TMEM51: variants seen among roughly 807,000 people sequenced by gnomAD.
The protein encoded by TMEM51 is transmembrane protein 51.
TMEM51 carries 8 observed loss-of-function variants against 13.6 expected under a neutral mutation model. The ratio of observed to expected loss-of-function variants is 0.59; its 90% CI spans 0.35 to 1.07. The LOEUF (loss-of-function observed/expected upper bound fraction) is 1.07. Among genes scored for constraint, TMEM51 ranks in the 50% least tolerant of loss-of-function variants. TMEM51 has a pLI of 0.02. For missense variants in TMEM51, 279 were observed against 330.7 expected (o/e 0.84, Z 1.21); for synonymous variants, 147 against 144.4 (o/e 1.02, Z -0.13).
chr1:15,165,193 G>A (rs574802828), intron 1 of TMEM51, among the ~76,000 whole-genome samples: 1 of 152,282 alleles, frequency 6.6e-6, no homozygotes, highest in South Asian at 2.1e-4. Flanking sequence ...GCTGACACCT[G>A]CAATCCCAAC....
At chr1:15,218,914 G>A (rs1184892680) in intron 3 of TMEM51, among the ~76,000 whole-genome samples, 1 of 152,142 alleles carries the variant, frequency 6.6e-6, no homozygotes, top group African/African-American at 2.4e-5. Context: ...GCCCCTATGT[G>A]GCCAACTCAG....
At chr1:15,190,599 T>C (rs2100269750) in intron 1 of TMEM51, among the ~76,000 whole-genome samples, 1 of 151,718 alleles carries the variant, frequency 6.6e-6, no homozygotes, top group East Asian at 1.9e-4. Flanking sequence ...TCCCCTACCC[T>C]ACCCCCAAAA....
intron 2 of TMEM51, among the ~76,000 whole-genome samples, chr1:15,211,770 T>C (rs545296836): frequency 1.3e-4 from 20 of 150,726 alleles, no homozygotes; most frequent in Middle Eastern, 7.0e-3. Context: ...GGGTACACTT[T>C]CCGAGTTTCC....
chr1:15,188,598 A>G (rs1035849941), intron 1 of TMEM51, among the ~76,000 whole-genome samples: 4 of 152,252 alleles, frequency 2.6e-5, no homozygotes, highest in African/African-American at 4.8e-5. Context: ...CCAGAAAGAC[A>G]GTAGCATTCT....
chr1:15,177,975 A>G (rs998385390), intron 1 of TMEM51, among the ~76,000 whole-genome samples: 10 of 152,202 alleles, frequency 6.6e-5, no homozygotes, highest in Admixed American at 1.3e-4. Flanking sequence ...AACCCTTTTC[A>G]TGGCCCAGCT....
At position 15,207,946 on chromosome 1, in the gene TMEM51, T is replaced by C. The variant is rs1054300016; in HGVS notation, c.-266-2544T>C. 1.3e-5 allele frequency among the ~76,000 whole-genome samples: 2 copies of C among 152,244 alleles called. No individual in the cohort carries two copies. The highest frequency in any genetic ancestry group is 6.5e-5 in the Admixed American group (1 of 15,286). ...TCCCCTTCAGGCTTGGACTGGGAAT[T>C]TCCCCTCATTGATATGAGACATTGG... On this transcript the variant is annotated intron_variant, in intron 1 of 3. Transcript: ENST00000376008. The surrounding 1 kb of genome is among the most constrained non-coding windows in gnomAD (Gnocchi z 4.6).
chr1:15,165,176 C>A (rs984534341), intron 1 of TMEM51, among the ~76,000 whole-genome samples: 2 of 152,250 alleles, frequency 1.3e-5, no homozygotes, highest in Admixed American at 1.3e-4. Flanking sequence ...TGAGGCCAGG[C>A]ACAGTGGCTG....
In TMEM51 at chr1:15,189,510, A is replaced by T. The variant is rs542428035; in HGVS notation, c.-266-20980A>T. ...TACAATTCCTTAGCTCATCTTTTGG[A>T]TCTAAACACCCCAGAGGGTAGAGAT... On this transcript the variant is annotated intron_variant, in intron 1 of 3. Transcript: ENST00000376008. 4.9e-4 allele frequency among the ~76,000 whole-genome samples: 75 copies of T among 152,120 alleles called. 1 individual carries two copies. The South Asian group carries it at 0.015, about 29-fold the overall frequency.
chr1:15,203,983 C>A (rs1644205131), intron 1 of TMEM51, among the ~76,000 whole-genome samples: 1 of 152,218 alleles, frequency 6.6e-6, no homozygotes, highest in Admixed American at 6.5e-5. Context: ...TCACCAGCAC[C>A]CTCTGCAGTC....
At chr1:15,218,276 T>C (rs1644459537) in intron 3 of TMEM51, among the ~76,000 whole-genome samples, 1 of 152,248 alleles carries the variant, frequency 6.6e-6, no homozygotes, top group African/African-American at 2.4e-5. Context: ...ATAAATGTTA[T>C]ATTTCAGATA....
chr1:15,160,048 A>G (rs1177119120), intron 1 of TMEM51, among the ~76,000 whole-genome samples: 2 of 152,134 alleles, frequency 1.3e-5, no homozygotes, highest in Non-Finnish European at 2.9e-5. Flanking sequence ...AGGTTTTGCT[A>G]TTTCCTCAAC....
At position 15,161,328 on chromosome 1, in the gene TMEM51, G is replaced by A. The variant is rs1642774035; in HGVS notation, c.-267+7374G>A. On this transcript the variant is annotated intron_variant, in intron 1 of 3. Coordinates refer to ENST00000376008, the MANE Select transcript of TMEM51 (RefSeq NM_001136218.2). The surrounding 1 kb of genome is among the most constrained non-coding windows in gnomAD (Gnocchi z 4.0). The stretch of plus-strand genomic sequence containing the variant: ...TCACGACTAGCCTGGCCAACATGGT[G>A]AAACCCCATCTCTACTAAAAATAGA... Among the ~76,000 whole-genome samples the A allele has an allele frequency of 6.6e-6, 1 of 151,850 alleles. No individual in the cohort carries two copies. Among genetic ancestry groups the A allele is most frequent in the African/African-American group, 2.4e-5 (1 of 41,214 alleles).
chr1:15,157,036 C>CT (rs1642614041), intron 1 of TMEM51, among the ~76,000 whole-genome samples: 1 of 152,214 alleles, frequency 6.6e-6, no homozygotes, highest in Admixed American at 6.5e-5. Context: ...GCCACCCCTC[C>CT]TGGGAGCTCT....
chr1:15,163,275 G>A lies in TMEM51; in HGVS notation c.-267+9321G>A, dbSNP rs573438608. 1.8e-4 allele frequency among the ~76,000 whole-genome samples: 28 copies of A among 152,036 alleles called. 1 individual carries two copies. Among genetic ancestry groups the A allele is most frequent in the Non-Finnish European group, 2.9e-4 (20 of 68,046 alleles). ...AAATCAATAACATGTCAAATGCACT[G>A]ATCTGAAATCTTTGCCCCTTCCCTA... is the stretch of plus-strand genomic sequence containing the variant. On this transcript the variant is annotated intron_variant, in intron 1 of 3. Coordinates refer to ENST00000376008, the MANE Select transcript of TMEM51 (RefSeq NM_001136218.2).
chr1:15,179,771 G>A (rs186177512), intron 1 of TMEM51, among the ~76,000 whole-genome samples: 12 of 152,282 alleles, frequency 7.9e-5, no homozygotes, highest in East Asian at 3.9e-4. Context: ...GACAGAGCAC[G>A]ACCTTGTCTC....
chr1:15,197,968 A>G (rs949201043), intron 1 of TMEM51, among the ~76,000 whole-genome samples: 1 of 152,036 alleles, frequency 6.6e-6, no homozygotes, highest in Non-Finnish European at 1.5e-5. Flanking sequence ...AAAAAAAAAA[A>G]AAAAGCAGAT....
intron 1 of TMEM51, among the ~76,000 whole-genome samples, chr1:15,175,934 G>A (rs144120019): frequency 7.2e-5 from 11 of 152,208 alleles, no homozygotes; most frequent in Admixed American, 3.3e-4. Context: ...TGCTGCCACC[G>A]TGTCAGTCTC....
intron 1 of TMEM51, among the ~76,000 whole-genome samples, chr1:15,178,584 G>A (rs536887629): frequency 6.6e-6 from 1 of 152,294 alleles, no homozygotes; most frequent in African/African-American, 2.4e-5. Context: ...ACCCCCATCT[G>A]CTGCTCACCT....
At chr1:15,154,969 C>A (rs1182963856) in intron 1 of TMEM51, among the ~76,000 whole-genome samples, 4 of 152,162 alleles carry the variant, frequency 2.6e-5, no homozygotes, top group African/African-American at 9.7e-5. Flanking sequence ...CCCTCTAGGA[C>A]CGGCCGGCTT....
Sources: gnomAD v4.1 joint callset for allele counts (sites outside exome capture counted in the v4.1 genomes callset) on GRCh38, gnomAD v4.1.1 for gene constraint, Gnocchi (gnomAD v3.1) non-coding constraint, MANE v1.5 for transcripts, NCBI Gene and HGNC (gene_info 2026-07-23, HGNC 2026-07-21) for gene names.